HIBADH: variants seen among roughly 807,000 people sequenced by gnomAD.
The protein encoded by HIBADH is 3-hydroxyisobutyrate dehydrogenase.
A neutral mutation model predicts 36.1 loss-of-function variants in HIBADH; 25 were observed. The observed-to-expected ratio is 0.69, with a 90% CI of 0.50 to 0.97. The LOEUF (loss-of-function observed/expected upper bound fraction) is 0.97. Among genes scored for constraint, HIBADH ranks in the 50% least tolerant of loss-of-function variants. The pLI is 0.00. For synonymous variants in HIBADH, 160 were observed against 149.5 expected, an observed-to-expected ratio of 1.07 and a Z score of -0.51; for missense variants, 421 against 418.0, an observed-to-expected ratio of 1.01 and a Z score of -0.06.
intron 4 of HIBADH, among the ~76,000 whole-genome samples, chr7:27,622,117 C>T (rs34638402): frequency 0.16 from 24,303 of 152,050 alleles, 2,128 homozygotes; most frequent in Middle Eastern, 0.2. Context: ...TGGTGGTACA[C>T]ACCTGTAGTC....
At chr7:27,619,772 T>A (rs564685996) in intron 4 of HIBADH, among the ~76,000 whole-genome samples, 2 of 151,822 alleles carry the variant, frequency 1.3e-5, no homozygotes, top group Non-Finnish European at 2.9e-5. Flanking sequence ...CAGACAAAAA[T>A]AAAGAATTAA....
chr7:27,566,059 T>C (rs1784543823), intron 4 of HIBADH, among the ~76,000 whole-genome samples: 3 of 152,150 alleles, frequency 2.0e-5, no homozygotes, highest in Admixed American at 2.0e-4. Flanking sequence ...TATTGCTGAT[T>C]CAATTTCTTA....
intron 4 of HIBADH, among the ~76,000 whole-genome samples, chr7:27,544,358 C>G (rs571206968): frequency 6.6e-6 from 1 of 152,182 alleles, no homozygotes; most frequent in Non-Finnish European, 1.5e-5. Flanking sequence ...GCCAAACAAT[C>G]TTGGAAGAGT....
rs567687478 is a variant in HIBADH, at chr7:27,577,821, T to G, written c.485-34721A>C. On this transcript the variant is annotated intron_variant, in intron 4 of 7. Coordinates refer to ENST00000265395, the MANE Select transcript of HIBADH (RefSeq NM_152740.4). The stretch of plus-strand genomic sequence containing the variant: ...AAAAGAAACAAATATACTTCCCTGA[T>G]GTACCATTGCTGCAGAACACATGGG... 9.8e-4 allele frequency among the ~76,000 whole-genome samples: 149 copies of G among 152,350 alleles called. 1 individual carries two copies. The South Asian group carries it at 0.014, about 15-fold the overall frequency.
intron 4 of HIBADH, among the ~76,000 whole-genome samples, chr7:27,565,218 T>C (rs887824175): frequency 7.9e-5 from 12 of 152,178 alleles, no homozygotes; most frequent in Non-Finnish European, 1.5e-4. Flanking sequence ...TAGCCAAGCC[T>C]AAGCCTGCTT....
In HIBADH at chr7:27,630,286, G is replaced by A. The variant is rs551205736; in HGVS notation, c.363-794C>T. 4.6e-5 allele frequency among the ~76,000 whole-genome samples: 7 copies of A among 152,176 alleles called. No homozygotes were observed. In the South Asian group the frequency reaches 1.5e-3, roughly 32 times the overall value. ...CAAGTAGCTGCGACCACAGGTGCAT[G>A]CCACCATACCCGTCTAAGTTTTAAA... On this transcript the variant is annotated intron_variant, in intron 3 of 7. Coordinates refer to ENST00000265395, the MANE Select transcript of HIBADH (RefSeq NM_152740.4).
At chr7:27,641,384 T>C (rs957337110) in intron 2 of HIBADH, among the ~76,000 whole-genome samples, 1 of 152,146 alleles carries the variant, frequency 6.6e-6, no homozygotes, top group Non-Finnish European at 1.5e-5. Flanking sequence ...TGACTTGATA[T>C]AGTAACACAG....
rs766617202 is a variant in HIBADH at position 27,543,148 on chromosome 7, T to A, written c.485-48A>T. 7.5e-6 allele frequency: 12 copies of A among 1,599,768 alleles called. No homozygotes were observed. In the African/African-American group the frequency reaches 1.6e-4, roughly 22 times the overall value. ...GATAGAAGCAAAAGAATATATTTCT[T>A]AAAATGTTTAGGCAGGTAATAAAAT... is the stretch of plus-strand genomic sequence containing the variant. On this transcript the variant is annotated intron_variant, in intron 4 of 7. Coordinates refer to ENST00000265395, the MANE Select transcript of HIBADH (RefSeq NM_152740.4).
chr7:27,630,528 C>A (rs1025588453), intron 3 of HIBADH, among the ~76,000 whole-genome samples: 3 of 151,892 alleles, frequency 2.0e-5, no homozygotes, highest in African/African-American at 7.3e-5. Context: ...AATATAAATA[C>A]TGAAGAAGAA....
At chr7:27,607,257 G>A (rs961175754) in intron 4 of HIBADH, among the ~76,000 whole-genome samples, 7 of 62,924 alleles carry the variant, frequency 1.1e-4, no homozygotes, top group Non-Finnish European at 1.1e-4. Flanking sequence ...CTATAATCCC[G>A]ACACTTTTGA....
chr7:27,548,404 T>C (rs889069646), intron 4 of HIBADH, among the ~76,000 whole-genome samples: 2 of 151,526 alleles, frequency 1.3e-5, no homozygotes, highest in African/African-American at 2.4e-5. Context: ...GAGGGAGAAG[T>C]TGGAGAATGG....
chr7:27,538,313 T>C (rs564878576), intron 6 of HIBADH, 28 bp downstream of exon 6: 2 of 1,525,812 alleles, frequency 1.3e-6, no homozygotes, highest in East Asian at 2.3e-5. Flanking sequence ...ATAAAAATGT[T>C]AGTATAAAAA....
chr7:27,662,566 C>T, intron 1 of HIBADH, 132 bp downstream of exon 1: 1 of 482,986 alleles, frequency 2.1e-6, no homozygotes, highest in Non-Finnish European at 3.5e-6. Context: ...GCCTTTAGTA[C>T]CAGCCAAAAT....
intron 4 of HIBADH, among the ~76,000 whole-genome samples, chr7:27,612,081 G>A (rs1235714816): frequency 6.6e-6 from 1 of 151,932 alleles, no homozygotes; most frequent in Non-Finnish European, 1.5e-5. Context: ...AGAGGCAAAG[G>A]ACTTTGAGTA....
chr7:27,660,167 A>G (rs1230610950), intron 1 of HIBADH, among the ~76,000 whole-genome samples: 3 of 152,248 alleles, frequency 2.0e-5, no homozygotes, highest in Non-Finnish European at 4.4e-5. Context: ...CATTCATATG[A>G]TATAAACATC....
At chr7:27,655,703 T>A (rs997120962) in intron 1 of HIBADH, among the ~76,000 whole-genome samples, 1 of 152,004 alleles carries the variant, frequency 6.6e-6, no homozygotes, top group East Asian at 1.9e-4. Context: ...AATAATTTTT[T>A]AAAGTAGGCA....
chr7:27,631,596 C>A (rs182377801), intron 3 of HIBADH, among the ~76,000 whole-genome samples: 2 of 152,232 alleles, frequency 1.3e-5, no homozygotes, highest in Non-Finnish European at 1.5e-5. Context: ...CTAACATAAC[C>A]GCAAGGGTTT....
At chr7:27,626,629 G>A (rs1254553203) in intron 4 of HIBADH, among the ~76,000 whole-genome samples, 1 of 152,092 alleles carries the variant, frequency 6.6e-6, no homozygotes, top group African/African-American at 2.4e-5. Context: ...GAAGTAGGGG[G>A]AAACGCTTGA....
At position 27,652,312 on chromosome 7, in the gene HIBADH, TA is replaced by T. The variant is rs544612952; in HGVS notation, c.92-2680del. Among the ~76,000 whole-genome samples the T allele has an allele frequency of 4.0e-3, 601 of 149,726 alleles. 5 individuals carry two copies. Among genetic ancestry groups the T allele is most frequent in the African/African-American group, 0.012 (496 of 40,958 alleles). Reference sequence around the variant, plus strand: ...AAACAAAACAGCAAGAGATTAAGATTAAAAAAAAAATGCAACCATAATGTGG... The same window carrying T: ...AAACAAAACAGCAAGAGATTAAGATTAAAAAAAAATGCAACCATAATGTGG... On this transcript the variant is annotated intron_variant, in intron 1 of 7. Coordinates refer to ENST00000265395, the MANE Select transcript of HIBADH (RefSeq NM_152740.4).
Sources: allele counts gnomAD v4.1 joint callset (sites outside exome capture counted in the v4.1 genomes callset), GRCh38; gene constraint gnomAD v4.1.1; transcripts MANE v1.5; gene names NCBI Gene and HGNC (gene_info 2026-07-23, HGNC 2026-07-21).